The following USP9X variants were observed in gnomAD, a reference collection of about 807,000 sequenced individuals.
USP9X encodes ubiquitin specific peptidase 9 X-linked.
In USP9X, 7 loss-of-function variants were observed where a neutral mutation model predicts 190.3. The observed-to-expected ratio is 0.04, with a 90% CI of 0.02 to 0.07. The LOEUF (loss-of-function observed/expected upper bound fraction) is 0.07, where lower values mean the gene tolerates loss of function less well. USP9X is among the 10% of genes least tolerant of loss of function. USP9X has a pLI of 1.00. For synonymous variants in USP9X, 645 were observed against 659.5 expected (o/e 0.98, Z 0.34); for missense variants, 1,010 against 1,916.9 (o/e 0.53, Z 8.83).
chrX:41,171,891 A>G lies in USP9X; in HGVS notation c.3081A>G (p.Leu1027=). ...YISFLWQVAD[L]GSSLNMPPLR... ...CTTTTCTTTGGCAAGTTGCAGACTTAGGTAGCAGCCTAAATATGCCACCCC... is the reference window on the plus strand; with the variant it reads ...CTTTTCTTTGGCAAGTTGCAGACTTGGGTAGCAGCCTAAATATGCCACCCC... The change falls in exon 21 of 45, where the codon TTA becomes TTG. Residue 1027 remains leucine (L), a synonymous_variant. Transcript: ENST00000378308. The G allele has an allele frequency of 1.7e-6, 2 of 1,211,104 alleles. No individual in the cohort carries two copies. The highest frequency in any genetic ancestry group is 2.2e-6 in the Non-Finnish European group (2 of 894,802).
At chrX:41,195,763 G>A in intron 26 of USP9X, 1 of 257,749 alleles carries the variant, frequency 3.9e-6, no homozygotes, top group Admixed American at 5.1e-5. Context: ...GACAGGAGGC[G>A]GAGCTCAGGC....
At chrX:41,210,195 CATGT>C (rs762777813) in intron 32 of USP9X, among the ~76,000 whole-genome samples, 43 of 112,005 alleles carry the variant, frequency 3.8e-4, no homozygotes, top group Middle Eastern at 4.6e-3. Flanking sequence ...AAAATGCATG[CATGT>C]GTCATACCAC....
Position 41,162,862 on chromosome X carries a change from G to A in USP9X, c.1970G>A (p.Arg657Gln). The A allele has an allele frequency of 8.3e-7, 1 of 1,205,431 alleles. No homozygotes were observed. The highest frequency in any genetic ancestry group is 1.1e-6 in the Non-Finnish European group (1 of 891,359). The change falls in exon 15 of 45, where the codon CGG (arginine) becomes CAG (glutamine). Residue 657 changes from arginine to glutamine, a missense_variant. Around this residue, in one of 11 missense-constraint regions of USP9X, gnomAD observed 104 missense variants for 239.8 expected, o/e 0.43. Coordinates refer to ENST00000378308, the MANE Select transcript of USP9X (RefSeq NM_001039591.3). ...RYSHVQEVQE[R>Q]LNFLRFLLKD... ...AGTCATGTTCAAGAAGTTCAAGAAC[G>A]GCTTAACTTCCTTAGGTTTGTTTTA...
intron 14 of USP9X, among the ~76,000 whole-genome samples, chrX:41,154,660 A>T (rs1369256589): frequency 1.8e-5 from 2 of 111,798 alleles, no homozygotes; most frequent in Non-Finnish European, 3.8e-5. Flanking sequence ...GTATATCTGC[A>T]AACTGAGAGA....
At chrX:41,228,331 A>G (rs1328310779) in intron 41 of USP9X, among the ~76,000 whole-genome samples, 1 of 111,948 alleles carries the variant, frequency 8.9e-6, no homozygotes, top group Non-Finnish European at 1.9e-5. Flanking sequence ...TGCCCCTACA[A>G]TCATGTTTTA....
intron 15 of USP9X, 107 bp downstream of exon 15, chrX:41,162,984 C>G (rs1390760079): frequency 2.1e-6 from 1 of 468,407 alleles, no homozygotes; most frequent in Non-Finnish European, 3.3e-6. Flanking sequence ...TCCCAAGTCC[C>G]CAAGTCATGT....
chrX:41,114,834 A>T (rs1425872493), intron 1 of USP9X, among the ~76,000 whole-genome samples: 1 of 110,721 alleles, frequency 9.0e-6, no homozygotes, highest in Non-Finnish European at 1.9e-5. Flanking sequence ...ACAGTATTAT[A>T]ATACATGTAA....
Position 41,198,658 on chromosome X carries a change from T to C in USP9X, c.4511T>C (p.Leu1504Ser). The C allele has an allele frequency of 8.3e-7, 1 of 1,212,051 alleles. No individual in the cohort carries two copies. The highest frequency in any genetic ancestry group is 1.1e-6 in the Non-Finnish European group (1 of 895,533). ...CCTACAATTAATGCTGGTTTTGAAT[T>C]ACTTGTAGCATTAGCTGTTGGCTGT... ...SPPTINAGFE[L>S]LVALAVGCVR... is the part of the protein sequence containing the mutation. Residue 1504 changes from leucine to serine, a missense_variant, in exon 30 of 45, where the codon TTA (leucine) becomes TCA (serine). Physicochemically the swap from Leu to Ser is moderately radical, Grantham distance 145. Around this residue, in one of 11 missense-constraint regions of USP9X, gnomAD observed 351 missense variants for 480.8 expected, o/e 0.73. Coordinates refer to ENST00000378308, the MANE Select transcript of USP9X (RefSeq NM_001039591.3).
chrX:41,135,653 C>T (rs893618814), intron 5 of USP9X, among the ~76,000 whole-genome samples: 17 of 111,920 alleles, frequency 1.5e-4, no homozygotes, highest in Admixed American at 4.7e-4. Flanking sequence ...CCCCGCAAGA[C>T]GGAGTCTCAC....
chrX:41,129,603 A>C (rs912875354), intron 3 of USP9X, among the ~76,000 whole-genome samples: 1 of 111,905 alleles, frequency 8.9e-6, no homozygotes, highest in Non-Finnish European at 1.9e-5. Context: ...TATAGTACAA[A>C]CAACCACCCT....
intron 11 of USP9X, among the ~76,000 whole-genome samples, chrX:41,145,440 T>TG (rs1260323823): frequency 8.9e-6 from 1 of 111,758 alleles, no homozygotes; most frequent in African/African-American, 3.3e-5. Flanking sequence ...CTTGTAATAG[T>TG]GAAAAAACCT....
chrX:41,100,792 G>A (rs1297955690), intron 1 of USP9X, among the ~76,000 whole-genome samples: 2 of 110,666 alleles, frequency 1.8e-5, no homozygotes, highest in East Asian at 5.7e-4. Flanking sequence ...GATTACTGGT[G>A]CCCACCACCA....
intron 41 of USP9X, 145 bp downstream of exon 41, chrX:41,225,282 G>C (rs909772080): frequency 3.7e-5 from 16 of 437,109 alleles, no homozygotes; most frequent in Non-Finnish European, 5.3e-5. Flanking sequence ...TAAATAACAG[G>C]TTCTCCCCTT....
chrX:41,197,352 C>CCCCCGGGGGGGGGGGG lies in USP9X; in HGVS notation c.4234-12_4234-11insCCCCGGGGGGGGGGGG. On this transcript the variant is annotated splice_polypyrimidine_tract_variant and intron_variant, in intron 28 of 44. Coordinates refer to ENST00000378308, the MANE Select transcript of USP9X (RefSeq NM_001039591.3). ...TTCTTCCCCCCCCCACCCCACCCCC[C>CCCCCGGGGGGGGGGGG]GCCTTTGGCAGGATGATGTTAAAAG... 2.0e-6 allele frequency: 2 copies of CCCCCGGGGGGGGGGGG among 988,206 alleles called. No individual in the cohort carries two copies. Among genetic ancestry groups the CCCCCGGGGGGGGGGGG allele is most frequent in the Non-Finnish European group, 2.6e-6 (2 of 759,375 alleles). The allele number at this position is 988,206 out of a possible 1,213,427, so 81.4% of individuals were successfully genotyped here.
chrX:41,217,405 T>G (rs1465357167), intron 36 of USP9X, 62 bp downstream of exon 36: 47 of 1,077,076 alleles, frequency 4.4e-5, no homozygotes, highest in Non-Finnish European at 2.3e-5. Context: ...TTTAATAGAT[T>G]GCTTTATGTT....
chrX:41,175,616 T>G (rs1391743132), intron 21 of USP9X, among the ~76,000 whole-genome samples: 1 of 111,554 alleles, frequency 9.0e-6, no homozygotes, highest in East Asian at 2.8e-4. Flanking sequence ...GAGGCCTGTT[T>G]GATTTATTTT....
At chrX:41,200,637 T>A (rs1265508267) in intron 30 of USP9X, among the ~76,000 whole-genome samples, 1 of 112,465 alleles carries the variant, frequency 8.9e-6, no homozygotes, top group Non-Finnish European at 1.9e-5. Context: ...TTAGGATTAT[T>A]TAAAACTGAG....
At chrX:41,173,308 TAATA>T (rs1412130766) in intron 21 of USP9X, among the ~76,000 whole-genome samples, 1 of 112,063 alleles carries the variant, frequency 8.9e-6, no homozygotes, top group African/African-American at 3.2e-5. Context: ...ATTTATGTTC[TAATA>T]TATGTGTGTT....
intron 14 of USP9X, among the ~76,000 whole-genome samples, chrX:41,161,315 A>AAG (rs1271451461): frequency 9.9e-6 from 1 of 101,518 alleles, no homozygotes; most frequent in Non-Finnish European, 2.0e-5. Context: ...TAAAGAGTAT[A>AAG]AGAGAATTCT....
Sources: gnomAD v4.1 joint callset for allele counts (sites outside exome capture counted in the v4.1 genomes callset) on GRCh38, gnomAD v4.1.1 for gene constraint, gnomAD v4.1.1 regional missense constraint, MANE v1.5 for transcripts, NCBI Gene and HGNC (gene_info 2026-07-23, HGNC 2026-07-21) for gene names.